The following KCNQ3 variants were observed in gnomAD, a reference collection of about 807,000 sequenced individuals.
KCNQ3 encodes potassium voltage-gated channel subfamily KQT member 3.
A neutral mutation model predicts 92.5 loss-of-function variants in KCNQ3; 30 were observed. The observed-to-expected ratio is 0.32, with a 90% CI of 0.24 to 0.44. KCNQ3 has a LOEUF of 0.44. Ranked by LOEUF, KCNQ3 falls within the 20% of genes least tolerant of loss-of-function variation. The probability of loss-of-function intolerance (pLI) is 1.00; values close to 1 mark genes in which losing one functional copy is unlikely to be tolerated. For synonymous variants in KCNQ3, 450 were observed against 468.8 expected (o/e 0.96, Z 0.52); for missense variants, 913 against 1,140.3 (o/e 0.80, Z 2.87).
intron 1 of KCNQ3, among the ~76,000 whole-genome samples, chr8:132,242,531 T>C (rs1476466698): frequency 2.0e-5 from 3 of 152,222 alleles, no homozygotes; most frequent in Non-Finnish European, 4.4e-5. Flanking sequence ...AAGTTCAACA[T>C]CTGTACTACA....
chr8:132,479,006 C>A (rs922798122), intron 1 of KCNQ3, among the ~76,000 whole-genome samples: 1 of 152,088 alleles, frequency 6.6e-6, no homozygotes, highest in African/African-American at 2.4e-5. Flanking sequence ...AGGTCATAGG[C>A]AATTCCCTGC....
chr8:132,378,768 T>G (rs1329163637), intron 1 of KCNQ3, among the ~76,000 whole-genome samples: 1 of 152,200 alleles, frequency 6.6e-6, no homozygotes, highest in Non-Finnish European at 1.5e-5. Context: ...AGTGGAAGAA[T>G]AGGCATGTGG....
intron 1 of KCNQ3, among the ~76,000 whole-genome samples, chr8:132,403,191 T>C (rs529520142): frequency 6.6e-6 from 1 of 151,902 alleles, no homozygotes; most frequent in South Asian, 2.1e-4. Context: ...ACCAAAAAAA[T>C]CTATTATTAA....
chr8:132,279,804 A>G (rs1451123639), intron 1 of KCNQ3, among the ~76,000 whole-genome samples: 5 of 152,156 alleles, frequency 3.3e-5, no homozygotes, highest in African/African-American at 1.2e-4. Context: ...TTATGTGCAC[A>G]TATGTGCATA....
At chr8:132,273,845 C>T (rs1816240712) in intron 1 of KCNQ3, among the ~76,000 whole-genome samples, 1 of 152,162 alleles carries the variant, frequency 6.6e-6, no homozygotes, top group African/African-American at 2.4e-5. Flanking sequence ...TAAAACATAA[C>T]AAAAATCACC....
rs1586820404 is a variant in KCNQ3, at chr8:132,195,637, A to G, written c.387-9456T>C. ...GCCAAACCCCTGTCTAAATACAGCT[A>G]TGGGCTCCTCATATCCATTACAGGG... On this transcript the variant is annotated intron_variant, in intron 1 of 14. Transcript: ENST00000388996. 3.9e-5 allele frequency among the ~76,000 whole-genome samples: 6 copies of G among 152,330 alleles called. 1 individual carries two copies. The highest frequency in any genetic ancestry group is 3.9e-4 in the Admixed American group (6 of 15,304).
chr8:132,344,020 C>T (rs1439462649), intron 1 of KCNQ3, among the ~76,000 whole-genome samples: 2 of 152,158 alleles, frequency 1.3e-5, no homozygotes, highest in Non-Finnish European at 2.9e-5. Context: ...TGTTGCTGGG[C>T]AATAATTGGC....
At chr8:132,465,381 A>G (rs1054600912) in intron 1 of KCNQ3, among the ~76,000 whole-genome samples, 7 of 152,172 alleles carry the variant, frequency 4.6e-5, no homozygotes, top group African/African-American at 1.4e-4. Context: ...GTTCTAGATC[A>G]GCTTGGGCAA....
intron 1 of KCNQ3, among the ~76,000 whole-genome samples, chr8:132,423,902 G>T (rs116516760): frequency 0.018 from 2,732 of 152,198 alleles, 81 homozygotes; most frequent in African/African-American, 0.062. Flanking sequence ...TTGTACTTCA[G>T]CTTAGTTAAG....
At chr8:132,380,898 T>C (rs889178006) in intron 1 of KCNQ3, among the ~76,000 whole-genome samples, 1 of 117,900 alleles carries the variant, frequency 8.5e-6, no homozygotes, top group African/African-American at 3.3e-5. Flanking sequence ...CAGGAACTAA[T>C]ACCTTCTTTC....
chr8:132,287,959 A>G (rs1041624011), intron 1 of KCNQ3, among the ~76,000 whole-genome samples: 4 of 152,198 alleles, frequency 2.6e-5, no homozygotes, highest in African/African-American at 9.6e-5. Context: ...TCATTTTAAA[A>G]AAATTGACAA....
At chr8:132,187,801 ATAG>A (rs1827028261) in intron 1 of KCNQ3, among the ~76,000 whole-genome samples, 3 of 112,034 alleles carry the variant, frequency 2.7e-5, no homozygotes, top group African/African-American at 3.4e-5. Context: ...GGTGGTGGTG[ATAG>A]TGATGGTGGT....
intron 1 of KCNQ3, among the ~76,000 whole-genome samples, chr8:132,224,883 G>T (rs1224583070): frequency 6.6e-6 from 1 of 152,202 alleles, no homozygotes; most frequent in East Asian, 1.9e-4. Flanking sequence ...GGGAGAGGGG[G>T]CAGGGAAAGG....
At chr8:132,179,861 AG>A (rs149548539) in intron 4 of KCNQ3, among the ~76,000 whole-genome samples, 373 of 152,260 alleles carry the variant, frequency 2.4e-3, no homozygotes, top group Non-Finnish European at 3.5e-3. Context: ...CTATTTTAAA[AG>A]TGAGAAAACT....
intron 1 of KCNQ3, among the ~76,000 whole-genome samples, chr8:132,307,128 T>C (rs77927141): frequency 0.018 from 2,725 of 152,260 alleles, 37 homozygotes; most frequent in Middle Eastern, 0.078. Context: ...AGATGAAAAC[T>C]TGGAGCCTGA....
Position 132,134,406 on chromosome 8 carries a change from A to G in KCNQ3, c.1701-18T>C, listed in dbSNP as rs1825001287. 2 of 1,527,968 alleles carry G rather than the reference A, an allele frequency of 1.3e-6. No homozygotes were observed. The highest frequency in any genetic ancestry group is 1.8e-6 in the Non-Finnish European group (2 of 1,101,706). 94.7% of individuals were successfully genotyped at this position (1,527,968 alleles called of 1,614,324 possible). A position where few individuals can be genotyped will look rare whatever the true frequency, so the allele number is the denominator to read the frequency against. On this transcript the variant is annotated intron_variant, in intron 12 of 14. Coordinates refer to ENST00000388996, the MANE Select transcript of KCNQ3 (RefSeq NM_004519.4). ...TATCTATTCTGAAAGAAACAAACAGAGCAGGGATTAAATTACACAGAGCTT... is the reference window on the plus strand; with the variant it reads ...TATCTATTCTGAAAGAAACAAACAGGGCAGGGATTAAATTACACAGAGCTT...
intron 1 of KCNQ3, among the ~76,000 whole-genome samples, chr8:132,413,269 C>T (rs1019206066): frequency 1.3e-5 from 2 of 152,216 alleles, no homozygotes; most frequent in African/African-American, 4.8e-5. Flanking sequence ...CCAGCTCCTA[C>T]CTATACATCC....
chr8:132,190,680 G>A (rs570120074), intron 1 of KCNQ3, among the ~76,000 whole-genome samples: 7 of 152,302 alleles, frequency 4.6e-5, no homozygotes, highest in East Asian at 3.9e-4. Flanking sequence ...CTGCTGCTTC[G>A]TGAGATGCTC....
intron 9 of KCNQ3, 138 bp downstream of exon 9, chr8:132,163,330 G>A: frequency 1.3e-6 from 1 of 773,020 alleles, no homozygotes; most frequent in Non-Finnish European, 2.3e-6. Context: ...GAGGACTATG[G>A]TGGTCAGCAA....
Sources: allele counts gnomAD v4.1 joint callset (sites outside exome capture counted in the v4.1 genomes callset), GRCh38; gene constraint gnomAD v4.1.1; transcripts MANE v1.5; gene names NCBI Gene and HGNC (gene_info 2026-07-23, HGNC 2026-07-21).